The following ATRNL1 variants were observed in gnomAD, a reference collection of about 807,000 sequenced individuals.
ATRNL1 encodes attractin like 1, also known as attractin-like protein 1.
Under a neutral mutation model 182.7 loss-of-function variants are expected in ATRNL1, and 95 were observed. The ratio of observed to expected loss-of-function variants is 0.52; its 90% CI spans 0.44 to 0.62. ATRNL1 has a LOEUF of 0.62. Ranked by LOEUF, ATRNL1 falls within the 20% of genes least tolerant of loss-of-function variation. The probability of loss-of-function intolerance (pLI) is 0.00; values close to 1 mark genes in which losing one functional copy is unlikely to be tolerated. For synonymous variants in ATRNL1, 576 were observed against 568.3 expected (o/e 1.01, Z -0.19); for missense variants, 1,471 against 1,679.5 (o/e 0.88, Z 2.17).
chr10:115,183,211 A>C (rs896207107), intron 8 of ATRNL1, among the ~76,000 whole-genome samples: 1 of 151,522 alleles, frequency 6.6e-6, no homozygotes, highest in Middle Eastern at 3.2e-3. Flanking sequence ...GATTTATGGG[A>C]TACATTTAGA....
At chr10:115,851,189 G>T (rs2901062) in intron 28 of ATRNL1, among the ~76,000 whole-genome samples, 1 of 151,642 alleles carries the variant, frequency 6.6e-6, no homozygotes, top group Non-Finnish European at 1.5e-5. Context: ...TGTACTCTCC[G>T]TTGGCATGAA....
At chr10:115,790,216 C>T (rs1328351565) in intron 27 of ATRNL1, among the ~76,000 whole-genome samples, 1 of 151,376 alleles carries the variant, frequency 6.6e-6, no homozygotes, top group Admixed American at 6.6e-5. Context: ...CCAGCCTCTA[C>T]CCAGTGGTGG....
At chr10:115,802,393 T>C (rs1949819284) in intron 27 of ATRNL1, among the ~76,000 whole-genome samples, 2 of 152,134 alleles carry the variant, frequency 1.3e-5, no homozygotes, top group Admixed American at 1.3e-4. Flanking sequence ...TACTTTTATT[T>C]GAAAAGAAGG....
At chr10:115,190,987 C>G (rs970413978) in intron 8 of ATRNL1, among the ~76,000 whole-genome samples, 1 of 152,018 alleles carries the variant, frequency 6.6e-6, no homozygotes, top group African/African-American at 2.4e-5. Context: ...CTTTCTGTGC[C>G]TGGCTTATTT....
intron 26 of ATRNL1, among the ~76,000 whole-genome samples, chr10:115,673,539 ACTT>A (rs1371518523): frequency 6.6e-6 from 1 of 152,070 alleles, no homozygotes; most frequent in Non-Finnish European, 1.5e-5. Flanking sequence ...TGGGAGAGAC[ACTT>A]CTTATGAACC....
intron 28 of ATRNL1, among the ~76,000 whole-genome samples, chr10:115,932,143 G>A (rs1449598655): frequency 6.6e-6 from 1 of 151,858 alleles, no homozygotes; most frequent in Non-Finnish European, 1.5e-5. Context: ...CACTCAAAAG[G>A]GCCAGCATTT....
At chr10:115,200,343 C>T (rs1848516942) in intron 8 of ATRNL1, among the ~76,000 whole-genome samples, 1 of 143,472 alleles carries the variant, frequency 7.0e-6, no homozygotes, top group African/African-American at 2.6e-5. Context: ...CGTCATTTAG[C>T]ATTAGGTATA....
chr10:115,259,500 C>T (rs1341690840), intron 10 of ATRNL1, among the ~76,000 whole-genome samples: 3 of 152,094 alleles, frequency 2.0e-5, no homozygotes, highest in Non-Finnish European at 2.9e-5. Context: ...TGGGAGTGTC[C>T]CGTTTTTCCA....
intron 19 of ATRNL1, among the ~76,000 whole-genome samples, chr10:115,376,964 A>AT (rs1156798337): frequency 6.6e-6 from 1 of 151,458 alleles, no homozygotes; most frequent in Non-Finnish European, 1.5e-5. Flanking sequence ...GAGTTTGCTA[A>AT]TTTTTTTCTT....
At chr10:115,728,212 G>A (rs889129935) in intron 27 of ATRNL1, among the ~76,000 whole-genome samples, 2 of 146,050 alleles carry the variant, frequency 1.4e-5, no homozygotes, top group Non-Finnish European at 3.0e-5. Flanking sequence ...GAAGAATGGC[G>A]TGAACCCGGG....
rs74715380 is a variant in ATRNL1, at chr10:115,447,829, T to A, written c.3323-14112T>A. On this transcript the variant is annotated intron_variant, in intron 21 of 28. Coordinates refer to ENST00000355044, the MANE Select transcript of ATRNL1 (RefSeq NM_207303.4). ...TTTATTAGATTTTTCCAAATTACAC[T>A]GCAAATATTTATATTAATTTATGCT... Among the ~76,000 whole-genome samples the A allele has an allele frequency of 4.4e-3, 675 of 152,122 alleles. 8 individuals carry two copies. Among genetic ancestry groups the A allele is most frequent in the African/African-American group, 0.015 (633 of 41,568 alleles).
rs1201107594 is a variant in ATRNL1, at chr10:115,549,612, A to G, written c.3795+76A>G. On this transcript the variant is annotated intron_variant, in intron 26 of 28. Transcript: ENST00000355044. ...GGATCTCTATTGTCTGTTAATTACC[A>G]TGCTCTCTTGGAATGCAGAATTTCA... is the stretch of plus-strand genomic sequence containing the variant. 4 of 983,576 alleles carry G rather than the reference A, an allele frequency of 4.1e-6. No individual in the cohort carries two copies. The African/African-American group carries it at 5.1e-5, about 13-fold the overall frequency. 60.9% of individuals were successfully genotyped at this position (983,576 alleles called of 1,614,324 possible).
chr10:115,615,857 C>A (rs1010073939), intron 26 of ATRNL1, among the ~76,000 whole-genome samples: 1 of 152,130 alleles, frequency 6.6e-6, no homozygotes, highest in Non-Finnish European at 1.5e-5. Context: ...ATAAATTACC[C>A]AGTCACAGGT....
chr10:115,644,938 C>G (rs1294173482), intron 26 of ATRNL1, among the ~76,000 whole-genome samples: 1 of 152,042 alleles, frequency 6.6e-6, no homozygotes, highest in Non-Finnish European at 1.5e-5. Context: ...TCTAAAATTT[C>G]TCGTGAAATA....
intron 13 of ATRNL1, among the ~76,000 whole-genome samples, chr10:115,269,756 G>A (rs12358411): frequency 0.22 from 33,048 of 151,978 alleles, 4,598 homozygotes; most frequent in Non-Finnish European, 0.31. Context: ...GTATCTACTT[G>A]TTTTTCAAGA....
intron 24 of ATRNL1, among the ~76,000 whole-genome samples, chr10:115,480,207 A>AACACACACACACACAC (rs72119794): frequency 7.6e-4 from 112 of 146,746 alleles, no homozygotes; most frequent in African/African-American, 2.7e-3. Context: ...GAGTCATTTG[A>AACACACACACACACAC]ACACACACAC....
At chr10:115,336,983 G>T (rs868916273) in intron 19 of ATRNL1, among the ~76,000 whole-genome samples, 40 of 146,860 alleles carry the variant, frequency 2.7e-4, no homozygotes, top group South Asian at 4.3e-4. Context: ...GTAGCTGGGG[G>T]GGGGGGACTA....
At chr10:115,456,121 A>C (rs973671648) in intron 21 of ATRNL1, among the ~76,000 whole-genome samples, 3 of 152,186 alleles carry the variant, frequency 2.0e-5, no homozygotes. Flanking sequence ...TTGACCTAGC[A>C]ATCCCATTAC....
Position 115,925,586 on chromosome 10 carries a change from A to G in ATRNL1, c.4019-19072A>G, listed in dbSNP as rs188547349. 2.6e-5 allele frequency among the ~76,000 whole-genome samples: 4 copies of G among 151,832 alleles called. No homozygotes were observed. In the East Asian group the frequency reaches 7.7e-4, roughly 29 times the overall value. ...GAAAATTTACCAAGCACATGGAAAG[A>G]AAGAAAAAAAAAAGCAGGGGTTGCA... On this transcript the variant is annotated intron_variant, in intron 28 of 28. Coordinates refer to ENST00000355044, the MANE Select transcript of ATRNL1 (RefSeq NM_207303.4).
Sources: gnomAD v4.1 joint callset for allele counts (sites outside exome capture counted in the v4.1 genomes callset) on GRCh38, gnomAD v4.1.1 for gene constraint, MANE v1.5 for transcripts, NCBI Gene and HGNC (gene_info 2026-07-23, HGNC 2026-07-21) for gene names.